CSMD2: variants seen among roughly 807,000 people sequenced by gnomAD.
CSMD2 encodes CUB and Sushi multiple domains 2.
CSMD2 carries 130 observed loss-of-function variants against 398.5 expected under a neutral mutation model. The ratio of observed to expected loss-of-function variants is 0.33; its 90% CI spans 0.28 to 0.38. The LOEUF (loss-of-function observed/expected upper bound fraction) is 0.38, where lower values mean the gene tolerates loss of function less well. Ranked by LOEUF, CSMD2 falls within the 10% of genes least tolerant of loss-of-function variation. The probability of loss-of-function intolerance (pLI) is 1.00; values close to 1 mark genes in which losing one functional copy is unlikely to be tolerated. For synonymous variants in CSMD2, 1,828 were observed against 1,908.5 expected (o/e 0.96, Z 1.10); for missense variants, 3,829 against 4,764.9 (o/e 0.80, Z 5.78).
chr1:33,785,388 G>A (rs922569400), intron 12 of CSMD2, among the ~76,000 whole-genome samples: 3 of 152,226 alleles, frequency 2.0e-5, no homozygotes, highest in Non-Finnish European at 4.4e-5. Flanking sequence ...GGCTTCTGGT[G>A]CAAGGGGAAA....
chr1:34,120,838 C>A (rs1443416814), intron 1 of CSMD2, among the ~76,000 whole-genome samples: 2 of 152,188 alleles, frequency 1.3e-5, no homozygotes, highest in African/African-American at 2.4e-5. Flanking sequence ...AGGCACCACA[C>A]CTGGCCTGGT....
intron 14 of CSMD2, 34 bp from the exon 15 acceptor site, chr1:33,739,368 A>G (rs748713281): frequency 8.3e-6 from 13 of 1,570,332 alleles, no homozygotes; most frequent in East Asian, 2.3e-5. Flanking sequence ...ATGATCAGAC[A>G]TTGCTGGAGT....
chr1:33,787,968 T>C (rs1474620626), intron 12 of CSMD2, among the ~76,000 whole-genome samples: 1 of 152,160 alleles, frequency 6.6e-6, no homozygotes, highest in East Asian at 1.9e-4. Flanking sequence ...ATAGGGTATC[T>C]TGGGAAGCTA....
In CSMD2 at chr1:33,518,917, A is replaced by C. The variant is rs779032539; in HGVS notation, c.*53+548T>G. 5.3e-5 allele frequency among the ~76,000 whole-genome samples: 8 copies of C among 152,134 alleles called. No homozygotes were observed. The highest frequency in any genetic ancestry group is 7.3e-5 in the Non-Finnish European group (5 of 68,032). ...GATGGATAGGTATGGATATATCTTGATATGGGGTATATGTATTGCGTTTAT... is the reference window on the plus strand; with the variant it reads ...GATGGATAGGTATGGATATATCTTGCTATGGGGTATATGTATTGCGTTTAT... On this transcript the variant is annotated intron_variant, in intron 70 of 70. Coordinates refer to ENST00000373381, the MANE Select transcript of CSMD2 (RefSeq NM_001281956.2). This position sits in a 1 kb window ranked among gnomAD's most constrained non-coding sequence, Gnocchi z 4.3.
intron 4 of CSMD2, among the ~76,000 whole-genome samples, chr1:33,935,088 T>C (rs1176503530): frequency 7.0e-6 from 1 of 143,786 alleles, no homozygotes; most frequent in Admixed American, 6.9e-5. Flanking sequence ...AAAAAGAAGA[T>C]TGTGTAAGGA....
intron 5 of CSMD2, among the ~76,000 whole-genome samples, chr1:33,868,663 G>A (rs1640214140): frequency 6.6e-6 from 1 of 152,194 alleles, no homozygotes; most frequent in South Asian, 2.1e-4. Context: ...TTGAACCCAG[G>A]AGGTGGAGGT....
At chr1:33,864,352 A>AG in intron 5 of CSMD2, 1 of 1,613,910 alleles carries the variant, frequency 6.2e-7, no homozygotes, top group Non-Finnish European at 8.5e-7. Flanking sequence ...TCCATCTCAA[A>AG]GCATGAAAAG....
intron 3 of CSMD2, among the ~76,000 whole-genome samples, chr1:33,972,032 A>G (rs1210290433): frequency 6.6e-6 from 1 of 152,160 alleles, no homozygotes; most frequent in African/African-American, 2.4e-5. Flanking sequence ...AGGTGAAAGC[A>G]TTGCTAACAT....
intron 10 of CSMD2, among the ~76,000 whole-genome samples, chr1:33,796,100 C>T (rs976211685): frequency 1.3e-5 from 2 of 152,198 alleles, no homozygotes; most frequent in African/African-American, 4.8e-5. Flanking sequence ...ACTTTATTTA[C>T]AAAACAAGCA....
intron 3 of CSMD2, among the ~76,000 whole-genome samples, chr1:33,954,340 A>G (rs1029623876): frequency 6.6e-6 from 1 of 151,558 alleles, no homozygotes; most frequent in African/African-American, 2.4e-5. Flanking sequence ...GGAAACCTGT[A>G]GGGCCCAGGG....
At chr1:33,598,207 T>C (rs530329002) in intron 44 of CSMD2, among the ~76,000 whole-genome samples, 1 of 152,362 alleles carries the variant, frequency 6.6e-6, no homozygotes, top group South Asian at 2.1e-4. Context: ...GTTCATTTTA[T>C]TACTCTTTAA....
intron 27 of CSMD2, among the ~76,000 whole-genome samples, chr1:33,656,605 C>T (rs1557684235): frequency 2.6e-5 from 4 of 152,288 alleles, no homozygotes; most frequent in Non-Finnish European, 4.4e-5. Flanking sequence ...CCAGGGCAGA[C>T]GCTCCTGCAG....
chr1:34,133,026 AATTC>A (rs1021239153), intron 1 of CSMD2, among the ~76,000 whole-genome samples: 8 of 150,110 alleles, frequency 5.3e-5, no homozygotes, highest in Non-Finnish European at 2.9e-5. Flanking sequence ...CTTTCAAATT[AATTC>A]ATTCAATCAC....
At chr1:33,968,093 A>G (rs999803629) in intron 3 of CSMD2, among the ~76,000 whole-genome samples, 2 of 152,176 alleles carry the variant, frequency 1.3e-5, no homozygotes, top group African/African-American at 4.8e-5. Context: ...TAGGAGGAAG[A>G]TGAGAAGCCC....
At chr1:34,100,079 C>T (rs1193782897) in intron 1 of CSMD2, among the ~76,000 whole-genome samples, 1 of 152,148 alleles carries the variant, frequency 6.6e-6, no homozygotes, top group East Asian at 1.9e-4. Context: ...TTAATATTTT[C>T]ATTTTTCTGA....
At position 34,068,194 on chromosome 1, in the gene CSMD2, A is replaced by G. The variant is rs373841998; in HGVS notation, c.404+20783T>C. Reference sequence around the variant, plus strand: ...TTCCCCTAAGAGTCTCCTTCCTTCAAGTGAACAGCCTGAAGTCCTCAAGAT... The same window carrying G: ...TTCCCCTAAGAGTCTCCTTCCTTCAGGTGAACAGCCTGAAGTCCTCAAGAT... On this transcript the variant is annotated intron_variant, in intron 2 of 70. Transcript: ENST00000373381. Among the ~76,000 whole-genome samples, 23 of 152,234 alleles carry G rather than the reference A, an allele frequency of 1.5e-4. 1 individual carries two copies. Among genetic ancestry groups the G allele is most frequent in the East Asian group, 9.6e-4 (5 of 5,204 alleles).
intron 1 of CSMD2, among the ~76,000 whole-genome samples, chr1:34,154,309 A>C (rs921727972): frequency 6.6e-6 from 1 of 152,210 alleles, no homozygotes; most frequent in Non-Finnish European, 1.5e-5. Context: ...CTGGCACACC[A>C]TTTCCATGGT....
intron 2 of CSMD2, among the ~76,000 whole-genome samples, chr1:34,038,697 C>A (rs1458892157): frequency 1.1e-4 from 16 of 152,152 alleles, no homozygotes; most frequent in Non-Finnish European, 1.5e-5. Flanking sequence ...CTCCAGCCCC[C>A]CAGTCTTCTT....
intron 55 of CSMD2, among the ~76,000 whole-genome samples, chr1:33,555,360 GA>G (rs971371753): frequency 2.6e-5 from 4 of 152,210 alleles, no homozygotes; most frequent in African/African-American, 9.7e-5. Flanking sequence ...GGTTTCCTGA[GA>G]AGAATCAGGA....
Sources: gnomAD v4.1 joint callset for allele counts (sites outside exome capture counted in the v4.1 genomes callset) on GRCh38, gnomAD v4.1.1 for gene constraint, Gnocchi (gnomAD v3.1) non-coding constraint, MANE v1.5 for transcripts, NCBI Gene and HGNC (gene_info 2026-07-23, HGNC 2026-07-21) for gene names.